THSD7B: variants seen among roughly 807,000 people sequenced by gnomAD.
THSD7B encodes the protein thrombospondin type 1 domain containing 7B.
A neutral mutation model predicts 213.6 loss-of-function variants in THSD7B; 138 were observed. That is an observed-to-expected ratio of 0.65 (90% confidence interval 0.56 to 0.74). The LOEUF (loss-of-function observed/expected upper bound fraction) is 0.74. THSD7B is among the 30% of genes least tolerant of loss of function. THSD7B has a pLI of 0.00. For missense variants in THSD7B, 1,931 were observed against 1,991.5 expected (o/e 0.97, Z 0.58); for synonymous variants, 742 against 687.0 (o/e 1.08, Z -1.25).
intron 17 of THSD7B, among the ~76,000 whole-genome samples, chr2:137,576,459 C>T (rs533423179): frequency 6.6e-6 from 1 of 152,104 alleles, no homozygotes; most frequent in Non-Finnish European, 1.5e-5. Flanking sequence ...AAGGAAACTT[C>T]ATGATCAAAA....
intron 12 of THSD7B, among the ~76,000 whole-genome samples, chr2:137,387,820 T>C (rs1267146584): frequency 6.6e-6 from 1 of 152,196 alleles, no homozygotes; most frequent in Non-Finnish European, 1.5e-5. Context: ...TCATTCAAGA[T>C]GGAAGTGTCT....
intron 15 of THSD7B, among the ~76,000 whole-genome samples, chr2:137,545,067 T>C: frequency 6.6e-6 from 1 of 151,718 alleles, no homozygotes; most frequent in East Asian, 1.9e-4. Context: ...GAGGGTGCAA[T>C]GTTAGTAAGT....
At chr2:137,030,872 A>G (rs983869899) in intron 2 of THSD7B, among the ~76,000 whole-genome samples, 1 of 152,226 alleles carries the variant, frequency 6.6e-6, no homozygotes, top group Non-Finnish European at 1.5e-5. Context: ...CTTCACCACT[A>G]TACAATTATC....
intron 12 of THSD7B, among the ~76,000 whole-genome samples, chr2:137,327,893 C>G (rs1684407383): frequency 6.6e-6 from 1 of 152,116 alleles, no homozygotes; most frequent in Non-Finnish European, 1.5e-5. Context: ...TTGGGAGCCT[C>G]TTTGTGAAAG....
chr2:137,114,761 T>C (rs1442584957), intron 4 of THSD7B, among the ~76,000 whole-genome samples: 1 of 152,222 alleles, frequency 6.6e-6, no homozygotes, highest in Admixed American at 6.5e-5. Flanking sequence ...TGAAAGTCTG[T>C]GGAGTGAAAT....
At chr2:137,231,326 A>C (rs1681635656) in intron 8 of THSD7B, 91 bp downstream of exon 8, 1 of 1,216,310 alleles carries the variant, frequency 8.2e-7, no homozygotes, top group Admixed American at 2.3e-5. Context: ...ATATGGAGGA[A>C]ATAGTCACAC....
At chr2:137,567,492 T>A (rs1320939329) in intron 16 of THSD7B, among the ~76,000 whole-genome samples, 1 of 152,094 alleles carries the variant, frequency 6.6e-6, no homozygotes, top group African/African-American at 2.4e-5. Flanking sequence ...GAGTGTAGTG[T>A]AGAACAGCAA....
At chr2:136,819,146 A>G (rs1682530992) in intron 1 of THSD7B, among the ~76,000 whole-genome samples, 1 of 152,210 alleles carries the variant, frequency 6.6e-6, no homozygotes, top group Non-Finnish European at 1.5e-5. Flanking sequence ...CCTTGAAAAA[A>G]TATATAATAG....
chr2:136,970,478 C>T (rs1187023176), intron 2 of THSD7B, among the ~76,000 whole-genome samples: 3 of 150,720 alleles, frequency 2.0e-5, no homozygotes, highest in African/African-American at 4.9e-5. Flanking sequence ...AACAAACAAA[C>T]AAATAAATAA....
chr2:137,039,449 G>T (rs1686838666), intron 2 of THSD7B, among the ~76,000 whole-genome samples: 1 of 152,202 alleles, frequency 6.6e-6, no homozygotes, highest in Non-Finnish European at 1.5e-5. Flanking sequence ...CATTTAAAGG[G>T]TTGAGGCCAA....
chr2:137,486,258 G>T lies in THSD7B; in HGVS notation c.3138+35235G>T, dbSNP rs938320832. 1.3e-3 allele frequency among the ~76,000 whole-genome samples: 204 copies of T among 151,656 alleles called. 2 individuals carry two copies. Among genetic ancestry groups the T allele is most frequent in the Middle Eastern group, 6.8e-3 (2 of 294 alleles). On this transcript the variant is annotated intron_variant, in intron 15 of 27. Transcript: ENST00000409968. ...ACTGTATTCAGGAAACCCATCTCAC[G>T]TGCAGAGACACACATAGGCTCAAAA... is the stretch of plus-strand genomic sequence containing the variant.
chr2:137,082,154 G>A (rs904713606), intron 3 of THSD7B, among the ~76,000 whole-genome samples: 1 of 152,032 alleles, frequency 6.6e-6, no homozygotes, highest in East Asian at 1.9e-4. Context: ...GATTTTGTCT[G>A]TGTTTCATCT....
chr2:137,241,587 T>C (rs538240040), intron 9 of THSD7B, among the ~76,000 whole-genome samples: 1 of 152,298 alleles, frequency 6.6e-6, no homozygotes, highest in African/African-American at 2.4e-5. Context: ...TGTTGCTTCT[T>C]CCAACTTTTC....
intron 7 of THSD7B, among the ~76,000 whole-genome samples, chr2:137,215,301 G>A (rs1027565369): frequency 6.6e-6 from 1 of 152,064 alleles, no homozygotes; most frequent in African/African-American, 2.4e-5. Context: ...TTGTAAATTT[G>A]TTTAAGTTCC....
chr2:136,956,137 G>A (rs1685120131), intron 2 of THSD7B, among the ~76,000 whole-genome samples: 1 of 152,000 alleles, frequency 6.6e-6, no homozygotes, highest in African/African-American at 2.4e-5. Context: ...CAAGGAGTAA[G>A]ATTAAATTTA....
intron 17 of THSD7B, among the ~76,000 whole-genome samples, chr2:137,600,506 G>A (rs1682055187): frequency 6.6e-6 from 1 of 152,162 alleles, no homozygotes; most frequent in Non-Finnish European, 1.5e-5. Flanking sequence ...GAGAGGCTAA[G>A]GCAGGCAGAT....
chr2:137,358,934 C>T (rs931040385), intron 12 of THSD7B, among the ~76,000 whole-genome samples: 2 of 152,176 alleles, frequency 1.3e-5, no homozygotes, highest in African/African-American at 4.8e-5. Context: ...TGAGTGCCTG[C>T]AGCTTTGTTA....
At chr2:137,663,334 C>A in intron 25 of THSD7B, 49 bp from the exon 26 acceptor site, 1 of 1,387,318 alleles carries the variant, frequency 7.2e-7, no homozygotes, top group Non-Finnish European at 9.6e-7. Flanking sequence ...TTTATTCATT[C>A]ACCTGTTCAA....
At position 136,949,985 on chromosome 2, in the gene THSD7B, G is replaced by A. The variant is rs371997791; in HGVS notation, c.139+67668G>A. On this transcript the variant is annotated intron_variant, in intron 2 of 27. Coordinates refer to ENST00000409968, the MANE Select transcript of THSD7B (RefSeq NM_001316349.2). Reference sequence around the variant, plus strand: ...GATAAAGAAAATGTGGCGGCCGGGCGCAACACGCCTGTAATCGTAGCACTT... The same window carrying A: ...GATAAAGAAAATGTGGCGGCCGGGCACAACACGCCTGTAATCGTAGCACTT... Among the ~76,000 whole-genome samples, 70 of 152,316 alleles carry A rather than the reference G, an allele frequency of 4.6e-4. 1 individual carries two copies. In the South Asian group the frequency reaches 0.011, roughly 24 times the overall value.
Sources: allele counts gnomAD v4.1 joint callset (sites outside exome capture counted in the v4.1 genomes callset), GRCh38; gene constraint gnomAD v4.1.1; transcripts MANE v1.5; gene names NCBI Gene and HGNC (gene_info 2026-07-23, HGNC 2026-07-21).